Variants in TEX14 observed in about 807,000 individuals in gnomAD.
The protein encoded by TEX14 is testis expressed 14, intercellular bridge forming factor, also known as inactive serine/threonine-protein kinase TEX14.
In TEX14, 168 loss-of-function variants were observed where a neutral mutation model predicts 178.6. The ratio of observed to expected loss-of-function variants is 0.94; its 90% confidence interval spans 0.83 to 1.07. The LOEUF (loss-of-function observed/expected upper bound fraction) is 1.07, where lower values mean the gene tolerates loss of function less well. TEX14 is among the 50% of genes least tolerant of loss of function. The pLI is 0.00. For missense variants in TEX14, 1,730 were observed against 1,753.6 expected, an observed-to-expected ratio of 0.99 and a Z score of 0.24; for synonymous variants, 626 against 634.1, an observed-to-expected ratio of 0.99 and a Z score of 0.19.
At chr17:58,690,442 A>G (rs951739014) in intron 1 of TEX14, among the ~76,000 whole-genome samples, 9 of 152,192 alleles carry the variant, frequency 5.9e-5, no homozygotes, top group Admixed American at 3.3e-4. Flanking sequence ...CTTGGATTCC[A>G]GGCTTAAGCC....
chr17:58,669,745 A>AG (rs1186328509), intron 1 of TEX14, among the ~76,000 whole-genome samples: 2 of 151,598 alleles, frequency 1.3e-5, no homozygotes, highest in Non-Finnish European at 2.9e-5. Context: ...AAAAAAAAAA[A>AG]AAAAAAAAAA....
chr17:58,685,996 CAAA>C (rs34156664), intron 1 of TEX14, among the ~76,000 whole-genome samples: 3 of 82,650 alleles, frequency 3.6e-5, no homozygotes, highest in Admixed American at 1.7e-4. Flanking sequence ...CTCTGTCTCA[CAAA>C]AAAAAAAAAA....
chr17:58,669,472 C>A (rs2047268057), intron 1 of TEX14, among the ~76,000 whole-genome samples: 1 of 151,880 alleles, frequency 6.6e-6, no homozygotes, highest in African/African-American at 2.4e-5. Flanking sequence ...GTGGCTCACG[C>A]CTGTAATCCT....
intron 1 of TEX14, chr17:58,666,845 A>T (rs1003563227): frequency 1.3e-5 from 2 of 152,220 alleles, no homozygotes; most frequent in African/African-American, 4.8e-5. Flanking sequence ...TGTTGGTAAC[A>T]GAGTTGTGCA....
intron 15 of TEX14, among the ~76,000 whole-genome samples, chr17:58,588,859 G>A (rs2045047150): frequency 6.6e-6 from 1 of 152,142 alleles, no homozygotes. Context: ...GAGCTCAGGA[G>A]GTCAAGGCCA....
intron 1 of TEX14, chr17:58,659,304 A>G (rs1012774244): frequency 2.2e-5 from 21 of 972,680 alleles, no homozygotes; most frequent in Non-Finnish European, 2.4e-5. Context: ...CCACAAAGAC[A>G]TTATTTACTT....
At chr17:58,609,631 A>G (rs2045699154) in intron 10 of TEX14, among the ~76,000 whole-genome samples, 1 of 152,202 alleles carries the variant, frequency 6.6e-6, no homozygotes, top group Non-Finnish European at 1.5e-5. Flanking sequence ...CAGTGTTCTT[A>G]AGATAAAATT....
chr17:58,647,388 T>C (rs1416662645), intron 2 of TEX14, among the ~76,000 whole-genome samples: 2 of 151,478 alleles, frequency 1.3e-5, no homozygotes, highest in Non-Finnish European at 2.9e-5. Context: ...AAAAATTAGC[T>C]GGGTGTAGTG....
Position 58,678,818 on chromosome 17 carries a change from T to TATAATAATAATAATAATA in TEX14, c.-2+13103_-2+13120dup, listed in dbSNP as rs56142259. 4.9e-3 allele frequency among the ~76,000 whole-genome samples: 678 copies of TATAATAATAATAATAATA among 137,294 alleles called. 3 individuals are homozygous for TATAATAATAATAATAATA. The highest frequency in any genetic ancestry group is 7.2e-3 in the Middle Eastern group (2 of 278). 90.1% of individuals were successfully genotyped at this position (137,294 alleles called of 152,430 possible). On this transcript the variant is annotated intron_variant, in intron 1 of 31. Coordinates refer to ENST00000349033, the MANE Select transcript of TEX14 (RefSeq NM_031272.5). ...TGCACATGTACCCTAGAACTTAAAG[T>TATAATAATAATAATAATA]ATAATAATAATAATAATAATAATAA...
chr17:58,594,805 A>G (rs560618304), intron 14 of TEX14, among the ~76,000 whole-genome samples: 1 of 151,884 alleles, frequency 6.6e-6, no homozygotes, highest in South Asian at 2.1e-4. Flanking sequence ...AAAACAAATG[A>G]AAGTCTGTGC....
chr17:58,559,343 C>G, intron 30 of TEX14, 110 bp downstream of exon 30: 1 of 587,376 alleles, frequency 1.7e-6, no homozygotes. Context: ...AATAAATTAT[C>G]AAAGGTAGGA....
chr17:58,566,262 A>C (rs1206401279), intron 26 of TEX14, among the ~76,000 whole-genome samples: 1 of 152,220 alleles, frequency 6.6e-6, no homozygotes. Flanking sequence ...CAACCCTCTG[A>C]AATAGACTGT....
chr17:58,570,375 C>A lies in TEX14; in HGVS notation c.3817+10G>T. 1 of 1,488,706 alleles carries A rather than the reference C, an allele frequency of 6.7e-7. No homozygotes were observed. Among genetic ancestry groups the A allele is most frequent in the Non-Finnish European group, 8.9e-7 (1 of 1,127,738 alleles). The allele number at this position is 1,488,706 out of a possible 1,614,324, so 92.2% of individuals were successfully genotyped here. On this transcript the variant is annotated intron_variant, in intron 25 of 31. Coordinates refer to ENST00000349033, the MANE Select transcript of TEX14 (RefSeq NM_031272.5). The stretch of plus-strand genomic sequence containing the variant: ...TATAAACTTCTATTTTGATATTAAA[C>A]ACAGGGTACCTTTAGGCAGGCTCCT...
At chr17:58,656,107 C>A (rs1404402338) in intron 1 of TEX14, among the ~76,000 whole-genome samples, 1 of 152,174 alleles carries the variant, frequency 6.6e-6, no homozygotes, top group Admixed American at 6.5e-5. Flanking sequence ...TTGAGACCAG[C>A]CTGGGCAACA....
At chr17:58,621,933 G>A in intron 4 of TEX14, 147 bp from the exon 5 acceptor site, 3 of 879,308 alleles carry the variant, frequency 3.4e-6, no homozygotes, top group Non-Finnish European at 4.9e-6. Flanking sequence ...ATTTTCTAAA[G>A]GTATGGAATG....
At position 58,573,311 on chromosome 17, in the gene TEX14, A is replaced by G. The variant is rs757272624; in HGVS notation, c.3384-3T>C. ...GGTCTTGAATATCCGTCAATGATCTAAAGAATTAAGAGCACACAGTAATGA... is the reference window on the plus strand; with the variant it reads ...GGTCTTGAATATCCGTCAATGATCTGAAGAATTAAGAGCACACAGTAATGA... On this transcript the variant is annotated splice_polypyrimidine_tract_variant and splice_region_variant and intron_variant, in intron 22 of 31. Coordinates refer to ENST00000349033, the MANE Select transcript of TEX14 (RefSeq NM_031272.5). The G allele has an allele frequency of 9.9e-6, 16 of 1,613,264 alleles. No homozygotes were observed. Among genetic ancestry groups the G allele is most frequent in the Non-Finnish European group, 1.0e-5 (12 of 1,179,300 alleles).
intron 15 of TEX14, among the ~76,000 whole-genome samples, chr17:58,589,204 A>C (rs2045059024): frequency 6.6e-6 from 1 of 151,966 alleles, no homozygotes. Flanking sequence ...CGGAGGTTGC[A>C]GTGAGCTGAG....
At chr17:58,659,399 C>T in intron 1 of TEX14, 5 of 820,974 alleles carry the variant, frequency 6.1e-6, no homozygotes, top group South Asian at 1.1e-4. Flanking sequence ...GGCATCGCTT[C>T]GAAACTACCG....
intron 2 of TEX14, among the ~76,000 whole-genome samples, chr17:58,638,462 A>G (rs1348127261): frequency 2.0e-5 from 3 of 152,224 alleles, no homozygotes; most frequent in African/African-American, 7.2e-5. Context: ...ACTGTGGTGT[A>G]TTTATACATT....
Sources: allele counts gnomAD v4.1 joint callset (sites outside exome capture counted in the v4.1 genomes callset), GRCh38; gene constraint gnomAD v4.1.1; transcripts MANE v1.5; gene names NCBI Gene and HGNC (gene_info 2026-07-23, HGNC 2026-07-21).